FAM227B: variants seen among roughly 807,000 people sequenced by gnomAD.
FAM227B encodes the protein protein FAM227B.
FAM227B carries 88 observed loss-of-function variants against 73.8 expected under a neutral mutation model. The observed-to-expected ratio is 1.19, with a 90% CI of 1.00 to 1.42. The LOEUF is 1.42. FAM227B is among the 40% of genes most tolerant of loss of function. FAM227B has a pLI of 0.00. For missense variants in FAM227B, 632 were observed against 590.9 expected (o/e 1.07, Z -0.72); for synonymous variants, 210 against 190.5 (o/e 1.10, Z -0.84).
chr15:49,519,637 C>T (rs1451941342), intron 10 of FAM227B, among the ~76,000 whole-genome samples: 1 of 152,160 alleles, frequency 6.6e-6, no homozygotes, highest in Non-Finnish European at 1.5e-5. Flanking sequence ...TCATCCATGG[C>T]TGGGACACAG....
At chr15:49,357,938 C>T (rs1400058226) in intron 13 of FAM227B, among the ~76,000 whole-genome samples, 1 of 151,912 alleles carries the variant, frequency 6.6e-6, no homozygotes, top group Non-Finnish European at 1.5e-5. Context: ...TCAATATACA[C>T]AAATCAATAA....
At chr15:49,530,837 C>G (rs2060552542) in intron 10 of FAM227B, among the ~76,000 whole-genome samples, 1 of 150,020 alleles carries the variant, frequency 6.7e-6, no homozygotes, top group Admixed American at 6.7e-5. Context: ...AAAAGTGCAA[C>G]ACATATTAAA....
At chr15:49,498,900 C>T (rs2057869635) in intron 11 of FAM227B, among the ~76,000 whole-genome samples, 1 of 152,104 alleles carries the variant, frequency 6.6e-6, no homozygotes, top group Non-Finnish European at 1.5e-5. Context: ...GGCGCGGTGG[C>T]TCACGCCTGT....
intron 11 of FAM227B, among the ~76,000 whole-genome samples, chr15:49,438,626 G>A (rs938328000): frequency 6.6e-6 from 1 of 151,658 alleles, no homozygotes; most frequent in African/African-American, 2.4e-5. Context: ...CGAGGACAAG[G>A]AAATAATACT....
At position 49,479,810 on chromosome 15, in the gene FAM227B, C is replaced by T. The variant is rs563204702; in HGVS notation, c.1012+28401G>A. On this transcript the variant is annotated intron_variant, in intron 11 of 15. Transcript: ENST00000299338. ...TGTATTTTTAGTAGAGATGGGGTTT[C>T]ACCATATTTGCCAGGCTGGTCTTGA... is the stretch of plus-strand genomic sequence containing the variant. Among the ~76,000 whole-genome samples the T allele has an allele frequency of 2.9e-3, 438 of 152,038 alleles. 7 individuals are homozygous for T. Among genetic ancestry groups the T allele is most frequent in the South Asian group, 0.026 (127 of 4,814 alleles).
intron 9 of FAM227B, among the ~76,000 whole-genome samples, chr15:49,566,626 C>T (rs902964593): frequency 6.6e-6 from 1 of 152,138 alleles, no homozygotes; most frequent in Admixed American, 6.5e-5. Context: ...AAAACCCTCA[C>T]TTATTTGAAT....
chr15:49,327,776 A>G lies in FAM227B; in HGVS notation c.*792T>C. 1 of 535,136 alleles carries G rather than the reference A, an allele frequency of 1.9e-6. No homozygotes were observed. Among genetic ancestry groups the G allele is most frequent in the Non-Finnish European group, 3.1e-6 (1 of 322,598 alleles). The allele number at this position is 535,136 out of a possible 1,614,324, so 33.1% of individuals were successfully genotyped here. ...ATTTAGATACAATGAAAAAATTCCA[A>G]ATCACTCTCTGAAACAGTATAAATG... On this transcript the variant is annotated 3_prime_UTR_variant, in exon 16 of 16. Coordinates refer to ENST00000299338, the MANE Select transcript of FAM227B (RefSeq NM_152647.3).
intron 6 of FAM227B, 101 bp downstream of exon 6, chr15:49,577,528 T>A: frequency 1.5e-6 from 1 of 655,618 alleles, no homozygotes; most frequent in Non-Finnish European, 2.5e-6. Context: ...CTCTGGTACC[T>A]CTCTCTATAT....
chr15:49,362,972 A>G (rs6493367), intron 13 of FAM227B, among the ~76,000 whole-genome samples: 24,528 of 151,996 alleles, frequency 0.16, 3,116 homozygotes, highest in African/African-American at 0.35. Flanking sequence ...CTTCTGTTCC[A>G]TACGTCTTTG....
At chr15:49,366,577 G>A in intron 13 of FAM227B, 2 of 1,597,072 alleles carry the variant, frequency 1.3e-6, no homozygotes, top group East Asian at 2.2e-5. Context: ...CCTTGGATGT[G>A]CCATTTCCAG....
At chr15:49,530,101 TATC>T (rs2060499247) in intron 10 of FAM227B, among the ~76,000 whole-genome samples, 1 of 151,856 alleles carries the variant, frequency 6.6e-6, no homozygotes, top group Admixed American at 6.6e-5. Flanking sequence ...GGATATATCA[TATC>T]ATCTACAAAT....
chr15:49,549,893 T>C (rs76544488), intron 9 of FAM227B, among the ~76,000 whole-genome samples: 13,475 of 107,900 alleles, frequency 0.12, 1,007 homozygotes, highest in Non-Finnish European at 0.19. Flanking sequence ...CCAGACGGGG[T>C]GGTTGGCCGG....
intron 9 of FAM227B, among the ~76,000 whole-genome samples, chr15:49,546,626 T>A (rs973063993): frequency 6.6e-6 from 1 of 152,206 alleles, no homozygotes; most frequent in Non-Finnish European, 1.5e-5. Flanking sequence ...ACCTGTTGTT[T>A]CCTAACTTTT....
chr15:49,487,362 T>C (rs1489695582), intron 11 of FAM227B: 2 of 151,692 alleles, frequency 1.3e-5, no homozygotes, highest in African/African-American at 4.8e-5. Context: ...ATAACAAAAG[T>C]AAACAAAAGA....
intron 3 of FAM227B, 90 bp from the exon 4 acceptor site, chr15:49,590,097 AT>A: frequency 1.4e-6 from 1 of 700,672 alleles, no homozygotes. Context: ...TATAATCGAG[AT>A]TTTATTCCAC....
At chr15:49,471,193 G>A (rs1482089540) in intron 11 of FAM227B, among the ~76,000 whole-genome samples, 2 of 152,036 alleles carry the variant, frequency 1.3e-5, no homozygotes, top group African/African-American at 4.8e-5. Flanking sequence ...TTAAGAATAT[G>A]GCAAATGTGA....
intron 11 of FAM227B, among the ~76,000 whole-genome samples, chr15:49,452,399 GA>G (rs1347674586): frequency 6.6e-6 from 1 of 152,036 alleles, no homozygotes; most frequent in Non-Finnish European, 1.5e-5. Context: ...TCATATTTGT[GA>G]AAATTAAAAT....
intron 13 of FAM227B, among the ~76,000 whole-genome samples, chr15:49,355,348 T>A (rs2042961774): frequency 6.6e-6 from 1 of 152,078 alleles, no homozygotes. Flanking sequence ...TTGAAAAAAA[T>A]TTAGCAGTAT....
At chr15:49,548,601 ATTAG>A (rs1238192605) in intron 9 of FAM227B, among the ~76,000 whole-genome samples, 1 of 152,094 alleles carries the variant, frequency 6.6e-6, no homozygotes, top group Non-Finnish European at 1.5e-5. Flanking sequence ...TAGAATTGGT[ATTAG>A]TTCTTCTTTG....
Sources: gnomAD v4.1 joint callset for allele counts (sites outside exome capture counted in the v4.1 genomes callset) on GRCh38, gnomAD v4.1.1 for gene constraint, MANE v1.5 for transcripts, NCBI Gene and HGNC (gene_info 2026-07-23, HGNC 2026-07-21) for gene names.